SLC36A1: variants seen among roughly 807,000 people sequenced by gnomAD.
SLC36A1 encodes the protein solute carrier family 36 member 1, also known as proton-coupled amino acid transporter 1.
A neutral mutation model predicts 47.5 loss-of-function variants in SLC36A1; 30 were observed. The observed-to-expected ratio is 0.63, with a 90% CI of 0.47 to 0.86. The LOEUF (loss-of-function observed/expected upper bound fraction) is 0.86, where lower values mean the gene tolerates loss of function less well. Ranked by LOEUF, SLC36A1 falls within the 40% of genes least tolerant of loss-of-function variation. SLC36A1 has a pLI of 0.00. For missense variants in SLC36A1, 517 were observed against 606.0 expected (o/e 0.85, Z 1.54); for synonymous variants, 255 against 249.7 (o/e 1.02, Z -0.20).
chr5:151,375,012 C>T, the SLC36A1 span, among the ~76,000 whole-genome samples: 1 of 151,072 alleles, frequency 6.6e-6, no homozygotes, highest in Non-Finnish European at 1.5e-5. Context: ...TGCAGATTGT[C>T]TGTTCACTTT....
the SLC36A1 span, among the ~76,000 whole-genome samples, chr5:151,523,890 C>G: frequency 3.9e-5 from 6 of 152,162 alleles, no homozygotes; most frequent in Non-Finnish European, 7.3e-5. Flanking sequence ...CTCATAAATG[C>G]ACTACCACCG....
chr5:151,387,555 G>T, the SLC36A1 span, among the ~76,000 whole-genome samples: 75,394 of 152,074 alleles, frequency 0.5, 20,719 homozygotes, highest in African/African-American at 0.75. Context: ...CTCAACTCCT[G>T]CACAGACATC....
the SLC36A1 span, among the ~76,000 whole-genome samples, chr5:151,503,619 C>T: frequency 6.6e-6 from 1 of 152,152 alleles, no homozygotes; most frequent in East Asian, 1.9e-4. Flanking sequence ...TAGCTGGCGA[C>T]TAAGGGTGCG....
the SLC36A1 span, among the ~76,000 whole-genome samples, chr5:151,377,702 G>A: frequency 6.6e-6 from 1 of 152,288 alleles, no homozygotes; most frequent in Non-Finnish European, 1.5e-5. Flanking sequence ...GGGTGCTCCA[G>A]TGTTGGATGC....
chr5:151,507,414 A>G, the SLC36A1 span: 1 of 1,614,156 alleles, frequency 6.2e-7, no homozygotes, highest in South Asian at 1.1e-5. Flanking sequence ...CCTGGCCAGG[A>G]GGTCTGGGTC....
chr5:151,514,731 A>G, the SLC36A1 span, among the ~76,000 whole-genome samples: 1 of 151,942 alleles, frequency 6.6e-6, no homozygotes, highest in Non-Finnish European at 1.5e-5. Flanking sequence ...CTCACATCCT[A>G]CTGAAATCAT....
the SLC36A1 span, chr5:151,382,125 G>C: frequency 1.0e-5 from 9 of 878,074 alleles, 1 homozygote; most frequent in Non-Finnish European, 1.7e-5. Flanking sequence ...GACAGAGCAC[G>C]ACCCTTTCAA....
chr5:151,397,741 G>A, the SLC36A1 span, among the ~76,000 whole-genome samples: 1 of 111,744 alleles, frequency 8.9e-6, no homozygotes, highest in Non-Finnish European at 1.7e-5. Flanking sequence ...TCCAGCCTGG[G>A]CAACAAGAGC....
intron 10 of SLC36A1, among the ~76,000 whole-genome samples, chr5:151,485,206 C>G (rs1264301590): frequency 6.6e-6 from 1 of 152,138 alleles, no homozygotes; most frequent in African/African-American, 2.4e-5. Flanking sequence ...AAATTAAAAG[C>G]CTAAACTTTT....
At chr5:151,407,899 C>T in the SLC36A1 span, among the ~76,000 whole-genome samples, 5 of 152,184 alleles carry the variant, frequency 3.3e-5, no homozygotes, top group Admixed American at 6.5e-5. Context: ...CAGTGATTAT[C>T]ATAATAAAGT....
chr5:151,452,359 A>G (rs1361403881), intron 1 of SLC36A1: 1 of 152,192 alleles, frequency 6.6e-6, no homozygotes, highest in Non-Finnish European at 1.5e-5. Flanking sequence ...ATCGACAGAG[A>G]GGAGAAAATA....
In SLC36A1 at chr5:151,492,326, G is replaced by C. The variant is rs929633199; in HGVS notation, c.*4072G>C. 1.3e-5 allele frequency: 2 copies of C among 152,110 alleles called. No individual in the cohort carries two copies. The highest frequency in any genetic ancestry group is 4.8e-5 in the African/African-American group (2 of 41,410). 9.4% of individuals were successfully genotyped at this position (152,110 alleles called of 1,614,324 possible). On this transcript the variant is annotated 3_prime_UTR_variant, in exon 11 of 11. Coordinates refer to ENST00000243389, the MANE Select transcript of SLC36A1 (RefSeq NM_078483.4). Reference sequence around the variant, plus strand: ...GATCCTGTTTTGGGGTTTGCACATGGATCGTATGTTAAGCTTTTTCTTTTC... The same window carrying C: ...GATCCTGTTTTGGGGTTTGCACATGCATCGTATGTTAAGCTTTTTCTTTTC...
At chr5:151,371,812 A>G in the SLC36A1 span, among the ~76,000 whole-genome samples, 1 of 152,182 alleles carries the variant, frequency 6.6e-6, no homozygotes, top group Non-Finnish European at 1.5e-5. Context: ...AAACATGTTA[A>G]AGGGGATAAA....
At chr5:151,359,072 A>G in the SLC36A1 span, among the ~76,000 whole-genome samples, 5 of 152,000 alleles carry the variant, frequency 3.3e-5, no homozygotes, top group Non-Finnish European at 7.4e-5. Flanking sequence ...TAAATGCCTC[A>G]ATGATTCGAA....
chr5:151,511,922 T>TC, the SLC36A1 span: 2 of 546,114 alleles, frequency 3.7e-6, no homozygotes, highest in African/African-American at 3.8e-5. Flanking sequence ...GCCCCTGAGG[T>TC]CCCCATTCAT....
intron 2 of SLC36A1, 138 bp from the exon 3 acceptor site, chr5:151,463,415 C>T: frequency 1.4e-6 from 1 of 712,456 alleles, no homozygotes; most frequent in Non-Finnish European, 2.4e-6. Context: ...TGACCTTGAG[C>T]AAACTGCTTC....
intron 1 of SLC36A1, among the ~76,000 whole-genome samples, chr5:151,451,849 G>T (rs960749878): frequency 2.6e-5 from 4 of 152,066 alleles, no homozygotes; most frequent in East Asian, 3.9e-4. Context: ...AGCTTTGTTC[G>T]CAGGGAGATT....
the SLC36A1 span, among the ~76,000 whole-genome samples, chr5:151,548,605 C>T: frequency 0.018 from 2,746 of 152,208 alleles, 94 homozygotes; most frequent in African/African-American, 0.062. Context: ...CTCAGCCTCC[C>T]GAGTAGCTGG....
At chr5:151,417,052 C>G in the SLC36A1 span, among the ~76,000 whole-genome samples, 1 of 152,210 alleles carries the variant, frequency 6.6e-6, no homozygotes, top group Admixed American at 6.5e-5. Flanking sequence ...CCCAACCATG[C>G]TGAACTGTGA....
Sources: allele counts gnomAD v4.1 joint callset (sites outside exome capture counted in the v4.1 genomes callset), GRCh38; gene constraint gnomAD v4.1.1; transcripts MANE v1.5; gene names NCBI Gene and HGNC (gene_info 2026-07-23, HGNC 2026-07-21).